Variants in CMTM8 observed in about 807,000 individuals in gnomAD.
CMTM8 encodes CKLF like MARVEL transmembrane domain containing 8, also known as CKLF-like MARVEL transmembrane domain-containing protein 8.
CMTM8 carries 12 observed loss-of-function variants against 18.6 expected under a neutral mutation model. The observed-to-expected ratio is 0.65, with a 90% confidence interval of 0.41 to 1.05. CMTM8 has a LOEUF of 1.05. Among genes scored for constraint, CMTM8 ranks in the 50% least tolerant of loss-of-function variants. The probability of loss-of-function intolerance (pLI) is 0.00; values close to 1 mark genes in which losing one functional copy is unlikely to be tolerated. For synonymous variants in CMTM8, 87 were observed against 90.6 expected (o/e 0.96, Z 0.23); for missense variants, 217 against 227.2 (o/e 0.95, Z 0.29).
chr3:32,319,701 C>T (rs1028436776), intron 1 of CMTM8, among the ~76,000 whole-genome samples: 2 of 152,158 alleles, frequency 1.3e-5, no homozygotes, highest in Non-Finnish European at 2.9e-5. Context: ...TCAGCAGTTC[C>T]GCTTTTCCAT....
intron 1 of CMTM8, among the ~76,000 whole-genome samples, chr3:32,275,377 A>C (rs182846501): frequency 2.0e-5 from 3 of 152,184 alleles, no homozygotes; most frequent in Admixed American, 2.0e-4. Flanking sequence ...CCCTGCTGCT[A>C]TTAGCTCTGT....
At chr3:32,256,282 C>T (rs531474928) in intron 1 of CMTM8, among the ~76,000 whole-genome samples, 52 of 152,130 alleles carry the variant, frequency 3.4e-4, no homozygotes, top group Admixed American at 1.3e-3. Context: ...GTTGCCCAGG[C>T]GGGTCTCCAA....
chr3:32,362,652 GC>G (rs1288303985), intron 2 of CMTM8, among the ~76,000 whole-genome samples: 7 of 152,204 alleles, frequency 4.6e-5, no homozygotes, highest in African/African-American at 1.4e-4. Context: ...GGAAGTGCCA[GC>G]CCAGATGTTG....
chr3:32,307,990 A>AAG (rs1159418918), intron 1 of CMTM8, among the ~76,000 whole-genome samples: 1 of 152,272 alleles, frequency 6.6e-6, no homozygotes, highest in Non-Finnish European at 1.5e-5. Flanking sequence ...AGCCAAGAGA[A>AAG]TACTGAGATA....
At chr3:32,261,544 T>G (rs778078715) in intron 1 of CMTM8, among the ~76,000 whole-genome samples, 1 of 152,202 alleles carries the variant, frequency 6.6e-6, no homozygotes, top group Non-Finnish European at 1.5e-5. Context: ...TACCATTTGT[T>G]TGTTTGTTTT....
chr3:32,273,129 A>ATGTGTGTGTGTGTGTGTGTGTGTG (rs60162265), intron 1 of CMTM8, among the ~76,000 whole-genome samples: 157 of 143,018 alleles, frequency 1.1e-3, no homozygotes, highest in Non-Finnish European at 1.5e-3. Flanking sequence ...ATTGGAACAA[A>ATGTGTGTGTGTGTGTGTGTGTGTG]TGTGTGTGTG....
intron 1 of CMTM8, among the ~76,000 whole-genome samples, chr3:32,353,753 C>T (rs1046665246): frequency 4.7e-5 from 7 of 150,090 alleles, no homozygotes; most frequent in East Asian, 1.9e-4. Flanking sequence ...TAGGGAAGGG[C>T]GTTGTCATTT....
chr3:32,336,008 C>T (rs1347282642), intron 1 of CMTM8, among the ~76,000 whole-genome samples: 1 of 152,222 alleles, frequency 6.6e-6, no homozygotes, highest in African/African-American at 2.4e-5. Flanking sequence ...AGGGCAGCGA[C>T]TCTCAGCATG....
At chr3:32,275,971 C>G (rs1702510728) in intron 1 of CMTM8, among the ~76,000 whole-genome samples, 1 of 152,020 alleles carries the variant, frequency 6.6e-6, no homozygotes, top group Non-Finnish European at 1.5e-5. Context: ...TCCCAAAGAG[C>G]CCGTATTCTC....
At position 32,370,204 on chromosome 3, in the gene CMTM8, A is replaced by G. The variant is rs17029321; in HGVS notation, c.*237A>G. ...TAATGTATTAATGTCTTCATAGATC[A>G]TATTTTCTTAGACAATGTTTAAATA... On this transcript the variant is annotated 3_prime_UTR_variant, in exon 4 of 4. Transcript: ENST00000307526. The G allele has an allele frequency of 0.019, 4,171 of 222,608 alleles. 54 individuals carry two copies. The highest frequency in any genetic ancestry group is 0.054 in the South Asian group (372 of 6,922). The allele number at this position is 222,608 out of a possible 1,614,324, so 13.8% of individuals were successfully genotyped here. A position where few individuals can be genotyped will look rare whatever the true frequency, so the allele number is the denominator to read the frequency against.
chr3:32,252,254 C>G (rs1258844326), intron 1 of CMTM8, among the ~76,000 whole-genome samples: 1 of 152,138 alleles, frequency 6.6e-6, no homozygotes, highest in African/African-American at 2.4e-5. Context: ...CTATCTTGTT[C>G]TATTCCTGTG....
At chr3:32,360,093 C>G (rs9881840) in intron 2 of CMTM8, among the ~76,000 whole-genome samples, 2 of 152,168 alleles carry the variant, frequency 1.3e-5, no homozygotes, top group Non-Finnish European at 2.9e-5. Flanking sequence ...GCCTCCAGGT[C>G]AGGGGTTGCA....
intron 1 of CMTM8, among the ~76,000 whole-genome samples, chr3:32,276,026 T>G (rs1702511844): frequency 6.6e-6 from 1 of 152,170 alleles, no homozygotes; most frequent in Admixed American, 6.5e-5. Flanking sequence ...TCCTTTGCTG[T>G]CATCCATCTC....
intron 1 of CMTM8, chr3:32,259,260 C>T (rs1213843351): frequency 1.6e-5 from 10 of 621,146 alleles, no homozygotes; most frequent in East Asian, 3.3e-5. Context: ...GCCTGGAGAC[C>T]GTGAACTGGA....
At chr3:32,352,832 T>C (rs1038699144) in intron 1 of CMTM8, among the ~76,000 whole-genome samples, 9 of 152,000 alleles carry the variant, frequency 5.9e-5, no homozygotes. Context: ...CTTTTCTTTA[T>C]ACTGTATTTC....
rs372825754 is a variant in CMTM8, at chr3:32,264,407, C to A, written c.147+25288C>A. Among the ~76,000 whole-genome samples, 26 of 152,208 alleles carry A rather than the reference C, an allele frequency of 1.7e-4. No homozygotes were observed. In the South Asian group the frequency reaches 3.9e-3, roughly 23 times the overall value. ...CCTTTACAGACAAGCAAATGCTGAGCGATTTTGTCACCACTAGGCCTGCCC... is the reference window on the plus strand; with the variant it reads ...CCTTTACAGACAAGCAAATGCTGAGAGATTTTGTCACCACTAGGCCTGCCC... On this transcript the variant is annotated intron_variant, in intron 1 of 3. Transcript: ENST00000307526.
At chr3:32,335,216 G>A in intron 1 of CMTM8, among the ~76,000 whole-genome samples, 1 of 152,234 alleles carries the variant, frequency 6.6e-6, no homozygotes, top group East Asian at 1.9e-4. Flanking sequence ...CTGCCAAGCT[G>A]ACACCAGGCT....
chr3:32,304,106 C>T (rs542297383), intron 1 of CMTM8, among the ~76,000 whole-genome samples: 79 of 152,184 alleles, frequency 5.2e-4, no homozygotes, highest in South Asian at 1.2e-3. Flanking sequence ...CCTGTTAGAC[C>T]ATTTGGGTAA....
chr3:32,349,814 C>A (rs1696669910), intron 1 of CMTM8, among the ~76,000 whole-genome samples: 1 of 152,088 alleles, frequency 6.6e-6, no homozygotes, highest in Non-Finnish European at 1.5e-5. Flanking sequence ...TCGAGACCAG[C>A]CTGGCCAACA....
Sources: gnomAD v4.1 joint callset for allele counts (sites outside exome capture counted in the v4.1 genomes callset) on GRCh38, gnomAD v4.1.1 for gene constraint, MANE v1.5 for transcripts, NCBI Gene and HGNC (gene_info 2026-07-23, HGNC 2026-07-21) for gene names.